GNB5: variants seen among roughly 807,000 people sequenced by gnomAD.
GNB5 encodes the protein G protein subunit beta 5, also known as guanine nucleotide-binding protein subunit beta-5.
GNB5 carries 37 observed loss-of-function variants against 55.3 expected under a neutral mutation model. That is an observed-to-expected ratio of 0.67 (90% CI 0.51 to 0.88). The LOEUF (loss-of-function observed/expected upper bound fraction) is 0.88. GNB5 is among the 40% of genes least tolerant of loss of function. GNB5 has a pLI of 0.00. For synonymous variants in GNB5, 219 were observed against 198.5 expected, an observed-to-expected ratio of 1.10 and a Z score of -0.87; for missense variants, 476 against 515.3, an observed-to-expected ratio of 0.92 and a Z score of 0.74.
At position 52,135,741 on chromosome 15, in the gene GNB5, C is replaced by T. The variant is rs1281401564; in HGVS notation, c.643G>A (p.Gly215Ser). The T allele has an allele frequency of 3.7e-6, 6 of 1,612,286 alleles. No homozygotes were observed. The highest frequency in any genetic ancestry group is 2.2e-5 in the East Asian group (1 of 44,844). ...TCCCACAGGGCACATGTGCCATCGCCGCTCGCTGTCAGGATCTGCCCGCAG... is the reference window on the plus strand; with the variant it reads ...TCCCACAGGGCACATGTGCCATCGCTGCTCGCTGTCAGGATCTGCCCGCAG... The part of the protein sequence containing the change: ...NSDMQILTAS[G>S]DGTCALWDVE... Residue 215 changes from glycine (G) to serine (S), a missense_variant, in exon 8 of 13, where the codon GGC (glycine) becomes AGC (serine). Gly to Ser is a moderately conservative substitution (Grantham distance 56, BLOSUM62 0). Transcript: ENST00000261837.
intron 3 of GNB5, among the ~76,000 whole-genome samples, chr15:52,164,176 C>T (rs181182620): frequency 1.2e-4 from 18 of 151,894 alleles, no homozygotes; most frequent in Admixed American, 7.2e-4. Context: ...GGTGTGATGG[C>T]GGGCGCCTGT....
At chr15:52,126,743 C>G (rs1309575756) in intron 10 of GNB5, among the ~76,000 whole-genome samples, 7 of 152,056 alleles carry the variant, frequency 4.6e-5, no homozygotes, top group African/African-American at 1.7e-4. Context: ...GAAATAGAAT[C>G]CTTAGAAGAG....
intron 2 of GNB5, among the ~76,000 whole-genome samples, chr15:52,182,900 C>T (rs1192366532): frequency 6.6e-6 from 1 of 152,112 alleles, no homozygotes; most frequent in African/African-American, 2.4e-5. Context: ...ACCTGTAATC[C>T]CAACACTTTG....
intron 2 of GNB5, 109 bp downstream of exon 2, chr15:52,184,442 C>G: frequency 1.1e-6 from 1 of 938,324 alleles, no homozygotes; most frequent in Non-Finnish European, 1.7e-6. Flanking sequence ...CCCAGGCATA[C>G]TGAAAAGTGT....
rs118078439 is a variant in GNB5, at chr15:52,187,161, C to T, written c.-18-2467G>A. Among the ~76,000 whole-genome samples, 8 of 152,290 alleles carry T rather than the reference C, an allele frequency of 5.3e-5. No individual in the cohort carries two copies. The East Asian group carries it at 1.5e-3, about 29-fold the overall frequency. ...CAAAAGGTGAGTTAACAAAAAAGGGCCTGCCCTCCAGAGCCTGGCCCATGG... is the reference window on the plus strand; with the variant it reads ...CAAAAGGTGAGTTAACAAAAAAGGGTCTGCCCTCCAGAGCCTGGCCCATGG... On this transcript the variant is annotated intron_variant, in intron 1 of 12. Coordinates refer to ENST00000261837, the MANE Select transcript of GNB5 (RefSeq NM_016194.4).
chr15:52,163,729 G>A (rs1219274150), intron 3 of GNB5, among the ~76,000 whole-genome samples: 1 of 152,224 alleles, frequency 6.6e-6, no homozygotes, highest in Non-Finnish European at 1.5e-5. Flanking sequence ...CCAGGGGGCA[G>A]CCAGACTGCT....
At chr15:52,170,831 C>T (rs1433026633) in intron 3 of GNB5, among the ~76,000 whole-genome samples, 4 of 151,798 alleles carry the variant, frequency 2.6e-5, no homozygotes, top group African/African-American at 2.4e-5. Context: ...TGAGGCTGGG[C>T]GTGGTGGCTC....
chr15:52,123,806 G>A (rs545125880), intron 12 of GNB5, among the ~76,000 whole-genome samples: 1 of 151,982 alleles, frequency 6.6e-6, no homozygotes, highest in Admixed American at 6.6e-5. Flanking sequence ...GCCTCCCAAA[G>A]TGCTACAATT....
chr15:52,124,705 T>C, intron 11 of GNB5, 66 bp from the exon 12 acceptor site: 4 of 1,335,134 alleles, frequency 3.0e-6, no homozygotes, highest in South Asian at 2.5e-5. Flanking sequence ...ATTACATGAC[T>C]GTTACTCACT....
intron 1 of GNB5, among the ~76,000 whole-genome samples, chr15:52,185,070 T>G (rs568931595): frequency 6.6e-6 from 1 of 152,316 alleles, no homozygotes. Flanking sequence ...CCCCTCAGGG[T>G]GAACTTTTAA....
At chr15:52,127,884 G>A (rs2141185288) in intron 10 of GNB5, among the ~76,000 whole-genome samples, 2 of 151,310 alleles carry the variant, frequency 1.3e-5, no homozygotes, top group Non-Finnish European at 2.9e-5. Context: ...TCATAACATG[G>A]AATACTACTC....
chr15:52,124,566 G>A lies in GNB5; in HGVS notation c.1083C>T (p.Ser361=), dbSNP rs1191133651. The A allele has an allele frequency of 5.6e-6, 9 of 1,613,646 alleles. No individual in the cohort carries two copies. The highest frequency in any genetic ancestry group is 7.6e-6 in the Non-Finnish European group (9 of 1,179,492). The change falls in exon 12 of 13, where the codon TCC becomes TCT. Residue 361 remains serine, a synonymous_variant. Coordinates refer to ENST00000261837, the MANE Select transcript of GNB5 (RefSeq NM_016194.4). ...VWDVLKGSRV[S]ILFGHENRVS... is the part of the protein sequence containing the mutation. ...CGCGGTTTTCATGTCCAAACAGGAT[G>A]GAGACCCGGGACCCTTTGAGAACAT...
At chr15:52,151,221 A>AT (rs2034087584) in intron 4 of GNB5, among the ~76,000 whole-genome samples, 1 of 152,156 alleles carries the variant, frequency 6.6e-6, no homozygotes, top group Non-Finnish European at 1.5e-5. Context: ...ACACACCTGT[A>AT]TCGTGGGGTC....
intron 9 of GNB5, among the ~76,000 whole-genome samples, chr15:52,130,831 TTTTA>T (rs2033554976): frequency 6.6e-6 from 1 of 152,144 alleles, no homozygotes; most frequent in African/African-American, 2.4e-5. Flanking sequence ...GTGCATTTTA[TTTTA>T]TTATTTTTGA....
chr15:52,131,661 A>T (rs2033577023), intron 9 of GNB5, among the ~76,000 whole-genome samples: 2 of 152,170 alleles, frequency 1.3e-5, no homozygotes, highest in African/African-American at 4.8e-5. Context: ...GCACAGTTAC[A>T]ATAAGTGAGT....
At chr15:52,125,550 G>T (rs147948408) in intron 11 of GNB5, 1 of 156,820 alleles carries the variant, frequency 6.4e-6, no homozygotes, top group Admixed American at 6.3e-5. Context: ...CAAAGTGCTG[G>T]GATTACAGGC....
At chr15:52,180,208 G>A (rs957589702) in intron 2 of GNB5, 5 of 175,628 alleles carry the variant, frequency 2.8e-5, no homozygotes, top group Non-Finnish European at 5.9e-5. Flanking sequence ...CAGAGGGAAG[G>A]GCCAAGCCGG....
chr15:52,138,947 C>G (rs1320460965), intron 7 of GNB5: 1 of 152,110 alleles, frequency 6.6e-6, no homozygotes, highest in Non-Finnish European at 1.5e-5. Context: ...ATGCATTAAA[C>G]AGAACCCCTA....
chr15:52,175,341 A>C (rs1337714034), intron 3 of GNB5, among the ~76,000 whole-genome samples: 1 of 152,246 alleles, frequency 6.6e-6, no homozygotes. Flanking sequence ...AATTCACAGG[A>C]AACCATCCTT....
Sources: gnomAD v4.1 joint callset for allele counts (sites outside exome capture counted in the v4.1 genomes callset) on GRCh38, gnomAD v4.1.1 for gene constraint, MANE v1.5 for transcripts, NCBI Gene and HGNC (gene_info 2026-07-23, HGNC 2026-07-21) for gene names.